TTC39B: variants seen among roughly 807,000 people sequenced by gnomAD.
The protein encoded by TTC39B is tetratricopeptide repeat domain 39B.
Under a neutral mutation model 96.6 loss-of-function variants are expected in TTC39B, and 92 were observed. The observed-to-expected ratio is 0.95, with a 90% CI of 0.80 to 1.13. TTC39B has a LOEUF of 1.13. TTC39B is among the 50% of genes most tolerant of loss of function. The probability of loss-of-function intolerance (pLI) is 0.00; values close to 1 mark genes in which losing one functional copy is unlikely to be tolerated. For synonymous variants in TTC39B, 367 were observed against 299.4 expected (o/e 1.23, Z -2.33); for missense variants, 955 against 809.3 (o/e 1.18, Z -2.18).
chr9:15,280,877 T>C (rs1335915553), intron 1 of TTC39B, among the ~76,000 whole-genome samples: 1 of 152,300 alleles, frequency 6.6e-6, no homozygotes, highest in East Asian at 1.9e-4. Flanking sequence ...CCCCCTACCA[T>C]TCTAGAGAGT....
At chr9:15,194,380 T>C (rs1055668810) in intron 8 of TTC39B, among the ~76,000 whole-genome samples, 5 of 152,196 alleles carry the variant, frequency 3.3e-5, no homozygotes, top group African/African-American at 1.2e-4. Flanking sequence ...TACCTATCTT[T>C]CTTCACTGTT....
intron 2 of TTC39B, among the ~76,000 whole-genome samples, chr9:15,253,168 G>T (rs1822625918): frequency 6.6e-6 from 1 of 152,140 alleles, no homozygotes; most frequent in African/African-American, 2.4e-5. Flanking sequence ...ACCTATGAAT[G>T]GTACCTTATA....
intron 7 of TTC39B, among the ~76,000 whole-genome samples, chr9:15,202,177 A>C (rs1189298189): frequency 6.6e-6 from 1 of 152,234 alleles, no homozygotes; most frequent in South Asian, 2.1e-4. Context: ...ATATAAAATA[A>C]GCCTTCAAAT....
chr9:15,254,937 A>C (rs1312632247), intron 2 of TTC39B, among the ~76,000 whole-genome samples: 1 of 151,924 alleles, frequency 6.6e-6, no homozygotes, highest in African/African-American at 2.4e-5. Context: ...TAACTACTAA[A>C]ATAAATAAAA....
intron 7 of TTC39B, among the ~76,000 whole-genome samples, chr9:15,203,326 C>T (rs936752558): frequency 6.6e-5 from 10 of 152,134 alleles, no homozygotes; most frequent in African/African-American, 7.2e-5. Context: ...CCTCGGCTCA[C>T]GGAAATCTCC....
chr9:15,234,726 T>C (rs943806188), intron 2 of TTC39B, among the ~76,000 whole-genome samples: 5 of 151,702 alleles, frequency 3.3e-5, no homozygotes, highest in African/African-American at 1.2e-4. Flanking sequence ...ATCTGTGACC[T>C]TACCCCCAAC....
chr9:15,222,985 G>A (rs1216477393), intron 3 of TTC39B, among the ~76,000 whole-genome samples: 1 of 152,180 alleles, frequency 6.6e-6, no homozygotes, highest in Non-Finnish European at 1.5e-5. Context: ...AGGGTGCAGA[G>A]TCTTTCCTCA....
At chr9:15,223,148 C>T (rs751678479) in intron 3 of TTC39B, among the ~76,000 whole-genome samples, 2 of 152,140 alleles carry the variant, frequency 1.3e-5, no homozygotes, top group East Asian at 1.9e-4. Flanking sequence ...TTGAGAGTGA[C>T]AAGGCATTTT....
intron 2 of TTC39B, among the ~76,000 whole-genome samples, chr9:15,267,469 G>A (rs544505755): frequency 8.5e-5 from 13 of 152,200 alleles, no homozygotes; most frequent in Non-Finnish European, 1.6e-4. Flanking sequence ...CAACCTAAAT[G>A]TCTAACAATG....
intron 1 of TTC39B, among the ~76,000 whole-genome samples, chr9:15,296,887 C>T (rs540833373): frequency 6.6e-5 from 10 of 152,100 alleles, no homozygotes; most frequent in African/African-American, 1.4e-4. Context: ...GGGGATCATG[C>T]GAGCCAAGAG....
intron 2 of TTC39B, among the ~76,000 whole-genome samples, chr9:15,264,243 G>T (rs769670292): frequency 5.3e-5 from 8 of 152,188 alleles, no homozygotes; most frequent in Non-Finnish European, 8.8e-5. Context: ...GGATGAACAA[G>T]CTAAAAAATC....
intron 1 of TTC39B, among the ~76,000 whole-genome samples, chr9:15,276,856 A>C (rs943283572): frequency 4.6e-5 from 7 of 152,164 alleles, no homozygotes; most frequent in Admixed American, 2.0e-4. Flanking sequence ...CCGACTTAAA[A>C]CAGGCTCAAT....
chr9:15,296,684 T>C (rs1241495626), intron 1 of TTC39B, among the ~76,000 whole-genome samples: 1 of 152,158 alleles, frequency 6.6e-6, no homozygotes, highest in Non-Finnish European at 1.5e-5. Flanking sequence ...TAATAGAGAC[T>C]GGGTTTCACC....
At chr9:15,246,389 G>A (rs1040819429) in intron 2 of TTC39B, among the ~76,000 whole-genome samples, 1 of 152,140 alleles carries the variant, frequency 6.6e-6, no homozygotes, top group African/African-American at 2.4e-5. Context: ...TCTAACTCTT[G>A]GGGTTTTAGT....
At chr9:15,300,245 C>T (rs531142037) in intron 1 of TTC39B, among the ~76,000 whole-genome samples, 3 of 152,272 alleles carry the variant, frequency 2.0e-5, no homozygotes, top group African/African-American at 7.2e-5. Flanking sequence ...TGAAAGGAAA[C>T]AGGAATAAAC....
intron 8 of TTC39B, among the ~76,000 whole-genome samples, chr9:15,194,353 A>G (rs1283572355): frequency 6.6e-6 from 1 of 152,120 alleles, no homozygotes; most frequent in Non-Finnish European, 1.5e-5. Flanking sequence ...CAATTTTCCC[A>G]AAAACATTTA....
At chr9:15,198,919 C>T (rs893790054) in intron 8 of TTC39B, among the ~76,000 whole-genome samples, 4 of 152,086 alleles carry the variant, frequency 2.6e-5, no homozygotes, top group African/African-American at 9.7e-5. Flanking sequence ...TAACAGATTT[C>T]AAGACAAGGA....
At chr9:15,257,384 T>G (rs990242262) in intron 2 of TTC39B, among the ~76,000 whole-genome samples, 5 of 152,196 alleles carry the variant, frequency 3.3e-5, no homozygotes, top group African/African-American at 1.2e-4. Context: ...AGAAGCTAAG[T>G]GATTAGTATA....
chr9:15,285,830 A>G (rs1226847527), intron 1 of TTC39B, among the ~76,000 whole-genome samples: 3 of 151,556 alleles, frequency 2.0e-5, no homozygotes, highest in South Asian at 2.1e-4. Flanking sequence ...ACTCCAGCCC[A>G]GGGGACAGAA....
Sources: gnomAD v4.1 joint callset for allele counts (sites outside exome capture counted in the v4.1 genomes callset) on GRCh38, gnomAD v4.1.1 for gene constraint, MANE v1.5 for transcripts, NCBI Gene and HGNC (gene_info 2026-07-23, HGNC 2026-07-21) for gene names.